Variants in NUP88 observed in about 807,000 individuals in gnomAD.
NUP88 encodes the protein nucleoporin 88, also known as nuclear pore complex protein Nup88.
Under a neutral mutation model 93.9 loss-of-function variants are expected in NUP88, and 57 were observed. That is an observed-to-expected ratio of 0.61 (90% confidence interval 0.49 to 0.76). The LOEUF is 0.76. NUP88 is among the 30% of genes least tolerant of loss of function. The pLI, the probability that NUP88 is intolerant of heterozygous loss-of-function variation, is 0.00. For missense variants in NUP88, 911 were observed against 901.0 expected, an observed-to-expected ratio of 1.01 and a Z score of -0.14; for synonymous variants, 346 against 336.8, an observed-to-expected ratio of 1.03 and a Z score of -0.30.
chr17:5,390,753 T>G (rs56889542), intron 10 of NUP88, among the ~76,000 whole-genome samples: 66,275 of 151,740 alleles, frequency 0.44, 15,237 homozygotes, highest in East Asian at 0.84. Context: ...ACCCAGGCTG[T>G]AGTGCAGTGG....
rs779491695 is a variant in NUP88 at position 5,399,647 on chromosome 17, G to A, written c.1196C>T (p.Pro399Leu). ...ACAGTGATATCTTGAAGGACACTTG[G>A]GATCTGCAAATGGAATGATTAATGA... ...FSCPVKLHRDPKCPSRYHCTH... is the reference protein window; with the variant it reads ...FSCPVKLHRDLKCPSRYHCTH... Residue 399 changes from proline (P) to leucine (L), a missense_variant, in exon 8 of 17, where the codon CCC becomes CTC. Pro to Leu is a moderately conservative substitution (Grantham distance 98). Transcript: ENST00000573584. 3 of 1,566,982 alleles carry A rather than the reference G, an allele frequency of 1.9e-6. No homozygotes were observed. The highest frequency in any genetic ancestry group is 2.3e-5 in the South Asian group (2 of 87,904).
rs1176285143 is a variant in NUP88 at position 5,387,633 on chromosome 17, C to T, written c.1807G>A (p.Glu603Lys). The change falls in exon 13 of 17, where the codon GAA becomes AAA. Residue 603 changes from glutamate (E) to lysine (K), a missense_variant. Physicochemically the swap from Glu to Lys is moderately conservative, Grantham distance 56. Coordinates refer to ENST00000573584, the MANE Select transcript of NUP88 (RefSeq NM_002532.6). ...LLCDQKKKQL[E>K]DLSYCREERK... Reference sequence around the variant, plus strand: ...TCTTCTCGACAATAACTGAGATCTTCTAGTTGTTTCTTTTTTTGGTCACAT... The same window carrying T: ...TCTTCTCGACAATAACTGAGATCTTTTAGTTGTTTCTTTTTTTGGTCACAT... The T allele has an allele frequency of 5.0e-6, 8 of 1,613,092 alleles. No individual in the cohort carries two copies. Among genetic ancestry groups the T allele is most frequent in the Non-Finnish European group, 6.8e-6 (8 of 1,179,566 alleles).
At chr17:5,388,725 G>C in intron 11 of NUP88, 77 bp downstream of exon 11, 1 of 1,309,250 alleles carries the variant, frequency 7.6e-7, no homozygotes. Context: ...AAACAGATGA[G>C]GACAGAAAGG....
intron 4 of NUP88, 35 bp from the exon 5 acceptor site, chr17:5,408,944 CA>C (rs1913661226): frequency 1.4e-6 from 2 of 1,468,628 alleles, no homozygotes; most frequent in Non-Finnish European, 1.8e-6. Context: ...TTGTTAAAAA[CA>C]AAAACAACAA....
chr17:5,407,097 A>G (rs1913543486), intron 5 of NUP88, among the ~76,000 whole-genome samples: 2 of 152,172 alleles, frequency 1.3e-5, no homozygotes, highest in African/African-American at 4.8e-5. Flanking sequence ...CATGTGTGAA[A>G]GGCAGAGAAC....
chr17:5,396,013 C>A (rs1304868245), intron 8 of NUP88, among the ~76,000 whole-genome samples: 1 of 152,040 alleles, frequency 6.6e-6, no homozygotes. Context: ...GAGTTCAAGA[C>A]CAGCCTGGCC....
intron 7 of NUP88, among the ~76,000 whole-genome samples, chr17:5,402,693 C>T (rs981385377): frequency 6.6e-6 from 1 of 151,990 alleles, no homozygotes; most frequent in Admixed American, 6.6e-5. Flanking sequence ...GTGAATGACA[C>T]GATTTCATTC....
chr17:5,403,065 G>A (rs901526609), intron 7 of NUP88, among the ~76,000 whole-genome samples: 4 of 152,178 alleles, frequency 2.6e-5, no homozygotes, highest in African/African-American at 9.7e-5. Context: ...TTGGGGCCAG[G>A]TGCGCGGTGG....
At chr17:5,411,996 A>G (rs1300134371) in intron 3 of NUP88, among the ~76,000 whole-genome samples, 1 of 152,216 alleles carries the variant, frequency 6.6e-6, no homozygotes, top group Non-Finnish European at 1.5e-5. Flanking sequence ...ACAGTGAAAG[A>G]AAAAGAAGGT....
At chr17:5,407,955 G>A (rs1411612769) in intron 5 of NUP88, among the ~76,000 whole-genome samples, 4 of 151,978 alleles carry the variant, frequency 2.6e-5, no homozygotes, top group Admixed American at 1.3e-4. Context: ...TTGTCCTTCT[G>A]TTCAGAAACC....
rs1431860033 is a variant in NUP88 at position 5,394,811 on chromosome 17, G to A, written c.1382+80C>T. 3.3e-6 allele frequency: 3 copies of A among 912,414 alleles called. No homozygotes were observed. In the African/African-American group the frequency reaches 4.9e-5, roughly 15 times the overall value. The allele number at this position is 912,414 out of a possible 1,614,324, so 56.5% of individuals were successfully genotyped here. A position where few individuals can be genotyped will look rare whatever the true frequency, so the allele number is the denominator to read the frequency against. ...ACTCAGCAGTGAATACTGTGGATGTGAGTGTAACGGATACAAACGTATCTG... is the reference window on the plus strand; with the variant it reads ...ACTCAGCAGTGAATACTGTGGATGTAAGTGTAACGGATACAAACGTATCTG... On this transcript the variant is annotated intron_variant, in intron 9 of 16. Coordinates refer to ENST00000573584, the MANE Select transcript of NUP88 (RefSeq NM_002532.6).
chr17:5,400,585 C>A (rs894925331), intron 7 of NUP88, among the ~76,000 whole-genome samples: 1 of 151,740 alleles, frequency 6.6e-6, no homozygotes, highest in Non-Finnish European at 1.5e-5. Flanking sequence ...TACTTGCTGG[C>A]AAGTAACTCA....
In NUP88 at chr17:5,386,100, G is replaced by T; in HGVS notation, c.*106C>A. On this transcript the variant is annotated 3_prime_UTR_variant, in exon 17 of 17. Coordinates refer to ENST00000573584, the MANE Select transcript of NUP88 (RefSeq NM_002532.6). ...TTTAAAAAGATGAACCACACCAAAG[G>T]TCATCAAAACACCTTTTTATAAATT... 1.3e-6 allele frequency: 1 copy of T among 760,418 alleles called. No homozygotes were observed. The highest frequency in any genetic ancestry group is 2.2e-6 in the Non-Finnish European group (1 of 462,504). The allele number at this position is 760,418 out of a possible 1,614,324, so 47.1% of individuals were successfully genotyped here. A position where few individuals can be genotyped will look rare whatever the true frequency, so the allele number is the denominator to read the frequency against.
intron 9 of NUP88, among the ~76,000 whole-genome samples, chr17:5,392,838 G>A (rs1912526941): frequency 6.6e-6 from 1 of 152,226 alleles, no homozygotes; most frequent in African/African-American, 2.4e-5. Context: ...TGCCGAGGCT[G>A]GAGTGCAATA....
chr17:5,390,359 C>T (rs1284678707), intron 10 of NUP88, among the ~76,000 whole-genome samples: 1 of 152,038 alleles, frequency 6.6e-6, no homozygotes, highest in Non-Finnish European at 1.5e-5. Flanking sequence ...GTCTTGCTAG[C>T]TTTTAGTGCC....
intron 11 of NUP88, 105 bp from the exon 12 acceptor site, chr17:5,388,009 T>G: frequency 8.3e-7 from 1 of 1,204,684 alleles, no homozygotes; most frequent in South Asian, 1.7e-5. Flanking sequence ...TATTTTTAAT[T>G]TATTTATTTG....
At chr17:5,404,295 T>G in intron 6 of NUP88, 49 bp from the exon 7 acceptor site, 4 of 1,599,548 alleles carry the variant, frequency 2.5e-6, no homozygotes, top group Non-Finnish European at 3.4e-6. Flanking sequence ...AATTTGAAAA[T>G]GTACACAATT....
At chr17:5,400,070 C>CAGGG (rs58403349) in intron 7 of NUP88, among the ~76,000 whole-genome samples, 1 of 147,434 alleles carries the variant, frequency 6.8e-6, no homozygotes, top group Admixed American at 6.8e-5. Flanking sequence ...GACACAGAGA[C>CAGGG]AGCACGTGCT....
intron 8 of NUP88, 103 bp from the exon 9 acceptor site, chr17:5,395,084 A>C: frequency 2.8e-6 from 2 of 725,408 alleles, no homozygotes; most frequent in African/African-American, 1.8e-5. Context: ...TTGTCTGAAA[A>C]CATTGCTTCT....
Sources: allele counts gnomAD v4.1 joint callset (sites outside exome capture counted in the v4.1 genomes callset), GRCh38; gene constraint gnomAD v4.1.1; transcripts MANE v1.5; gene names NCBI Gene and HGNC (gene_info 2026-07-23, HGNC 2026-07-21).